The following MUC7 variants were observed in gnomAD, a reference collection of about 807,000 sequenced individuals.
The protein encoded by MUC7 is mucin 7, secreted, also known as mucin-7.
In MUC7, 2 loss-of-function variants were observed where a neutral mutation model predicts 2.5. That is an observed-to-expected ratio of 0.81 (90% confidence interval 0.33 to 2.55). The LOEUF (loss-of-function observed/expected upper bound fraction) is 2.55, where lower values mean the gene tolerates loss of function less well. MUC7 is among the 30% of genes most tolerant of loss of function. The probability of loss-of-function intolerance (pLI) is 0.11; values close to 1 mark genes in which losing one functional copy is unlikely to be tolerated. For synonymous variants in MUC7, 133 were observed against 173.4 expected, an observed-to-expected ratio of 0.77 and a Z score of 1.83; for missense variants, 408 against 455.6, an observed-to-expected ratio of 0.90 and a Z score of 0.95.
At chr4:70,447,585 A>G (rs1734176771) in intron 1 of MUC7, among the ~76,000 whole-genome samples, 1 of 152,198 alleles carries the variant, frequency 6.6e-6, no homozygotes, top group Non-Finnish European at 1.5e-5. Flanking sequence ...TACCATAGAC[A>G]TGTCAGACAC....
intron 1 of MUC7, among the ~76,000 whole-genome samples, chr4:70,440,998 A>C (rs1173572150): frequency 6.6e-6 from 1 of 152,172 alleles, no homozygotes; most frequent in Non-Finnish European, 1.5e-5. Context: ...TTATTAATAT[A>C]TGCAACTAAT....
chr4:70,475,099 T>G (rs41391056), intron 2 of MUC7, among the ~76,000 whole-genome samples: 11,289 of 151,980 alleles, frequency 0.074, 634 homozygotes, highest in East Asian at 0.19. Context: ...GCCAACATGG[T>G]GAAACCCCGT....
upstream of MUC7, among the ~76,000 whole-genome samples, chr4:70,469,216 GA>G (rs1250069872): frequency 6.6e-6 from 1 of 152,154 alleles, no homozygotes; most frequent in Non-Finnish European, 1.5e-5. Flanking sequence ...GCAGAAAACT[GA>G]AACTGGACCC....
intron 1 of MUC7, among the ~76,000 whole-genome samples, chr4:70,449,287 A>G (rs777690074): frequency 8.5e-5 from 13 of 152,176 alleles, no homozygotes; most frequent in African/African-American, 9.7e-5. Context: ...TCATGGTTCA[A>G]TGTGGCTCGG....
At chr4:70,467,399 T>A (rs1400147374), upstream of MUC7, among the ~76,000 whole-genome samples, 1 of 151,400 alleles carries the variant, frequency 6.6e-6, no homozygotes, top group African/African-American at 2.4e-5. Context: ...AGACAAGAAA[T>A]AACTAAGATC....
chr4:70,467,338 C>T (rs1347513886), upstream of MUC7, among the ~76,000 whole-genome samples: 1 of 152,050 alleles, frequency 6.6e-6, no homozygotes, highest in Non-Finnish European at 1.5e-5. Context: ...CCTAACATCA[C>T]AATTAAAAGA....
intron 1 of MUC7, among the ~76,000 whole-genome samples, chr4:70,450,714 T>C (rs1734258484): frequency 6.6e-6 from 1 of 152,166 alleles, no homozygotes; most frequent in African/African-American, 2.4e-5. Context: ...GGTTCCCTTC[T>C]GGCCCAGAGT....
chr4:70,479,530 C>T (rs541324635), intron 2 of MUC7, among the ~76,000 whole-genome samples: 16 of 152,288 alleles, frequency 1.1e-4, no homozygotes, highest in Admixed American at 7.8e-4. Flanking sequence ...AGGAAGAAAA[C>T]GTAACCTATC....
At chr4:70,462,988 T>A (rs1201511144) in intron 1 of MUC7, among the ~76,000 whole-genome samples, 1 of 152,026 alleles carries the variant, frequency 6.6e-6, no homozygotes, top group African/African-American at 2.4e-5. Context: ...AATGAATGAA[T>A]GAATGAATGA....
intron 1 of MUC7, among the ~76,000 whole-genome samples, chr4:70,473,307 G>T (rs1402864836): frequency 6.6e-6 from 1 of 151,972 alleles, no homozygotes; most frequent in African/African-American, 2.4e-5. Context: ...AGCCAGGAGC[G>T]GTGGTGCATG....
intron 1 of MUC7, among the ~76,000 whole-genome samples, chr4:70,460,896 G>A (rs1734539894): frequency 6.6e-6 from 1 of 152,196 alleles, no homozygotes; most frequent in Non-Finnish European, 1.5e-5. Context: ...AAGGGTGTGA[G>A]GGACTCAGTG....
chr4:70,447,373 G>A (rs79651824), intron 1 of MUC7, among the ~76,000 whole-genome samples: 2,478 of 152,078 alleles, frequency 0.016, 59 homozygotes, highest in African/African-American at 0.055. Flanking sequence ...TTTACAACGT[G>A]TTTAGAACTA....
chr4:70,432,534 A>C (rs907147394), intron 1 of MUC7, among the ~76,000 whole-genome samples: 1 of 152,214 alleles, frequency 6.6e-6, no homozygotes, highest in Non-Finnish European at 1.5e-5. Context: ...TGTTGGCTGC[A>C]TAAATGTCTT....
chr4:70,469,510 T>G (rs1470449933), upstream of MUC7, among the ~76,000 whole-genome samples: 1 of 152,178 alleles, frequency 6.6e-6, no homozygotes, highest in Non-Finnish European at 1.5e-5. Context: ...TCTATCCATC[T>G]GACAAAAGGC....
chr4:70,433,966 G>A (rs998892327), intron 1 of MUC7, among the ~76,000 whole-genome samples: 5 of 152,150 alleles, frequency 3.3e-5, no homozygotes, highest in African/African-American at 1.2e-4. Flanking sequence ...GGCCTTTTCT[G>A]CATCTATTGA....
intron 1 of MUC7, among the ~76,000 whole-genome samples, chr4:70,443,471 A>G (rs1211296200): frequency 6.6e-6 from 1 of 152,222 alleles, no homozygotes; most frequent in Non-Finnish European, 1.5e-5. Flanking sequence ...AATACTACCA[A>G]GGAAATCTAA....
chr4:70,442,827 A>C (rs1350425935), intron 1 of MUC7, among the ~76,000 whole-genome samples: 1 of 152,196 alleles, frequency 6.6e-6, no homozygotes, highest in Non-Finnish European at 1.5e-5. Context: ...AAACTAGACT[A>C]TTACAAAATC....
chr4:70,454,128 G>A (rs1296896317), intron 1 of MUC7, among the ~76,000 whole-genome samples: 1 of 152,080 alleles, frequency 6.6e-6, no homozygotes, highest in East Asian at 1.9e-4. Context: ...GGTGGCACAG[G>A]CTCTCCATTA....
At chr4:70,436,185 G>T (rs1318300509) in intron 1 of MUC7, among the ~76,000 whole-genome samples, 1 of 152,090 alleles carries the variant, frequency 6.6e-6, no homozygotes, top group African/African-American at 2.4e-5. Context: ...GTGTCTTGGG[G>T]TTGCTCTTCT....
Sources: allele counts gnomAD v4.1 joint callset (sites outside exome capture counted in the v4.1 genomes callset), GRCh38; gene constraint gnomAD v4.1.1; transcripts MANE v1.5; gene names NCBI Gene and HGNC (gene_info 2026-07-23, HGNC 2026-07-21).